The following PRPH2 variants were observed in gnomAD, a reference collection of about 807,000 sequenced individuals.
PRPH2 encodes the protein peripherin-2.
Under a neutral mutation model 31.3 loss-of-function variants are expected in PRPH2, and 17 were observed. That is an observed-to-expected ratio of 0.54 (90% CI 0.37 to 0.81). PRPH2 has a LOEUF of 0.81. Among genes scored for constraint, PRPH2 ranks in the 40% least tolerant of loss-of-function variants. The pLI, the probability that PRPH2 is intolerant of heterozygous loss-of-function variation, is 0.00. For synonymous variants in PRPH2, 165 were observed against 184.4 expected (o/e 0.89, Z 0.85); for missense variants, 430 against 439.7 (o/e 0.98, Z 0.20).
intron 2 of PRPH2, among the ~76,000 whole-genome samples, chr6:42,698,981 G>C (rs1292690452): frequency 6.6e-6 from 1 of 151,286 alleles, no homozygotes; most frequent in African/African-American, 2.4e-5. Context: ...ATATTGGGTA[G>C]TTCAGTAACT....
rs73426405 is a variant in PRPH2 at position 42,697,456 on chromosome 6, C to T, written c.*839G>A. 0.02 allele frequency: 2,994 copies of T among 152,244 alleles called. 99 individuals carry two copies. The highest frequency in any genetic ancestry group is 0.07 in the African/African-American group (2,881 of 41,438). The allele number at this position is 152,244 out of a possible 1,614,324, so 9.4% of individuals were successfully genotyped here. A position where few individuals can be genotyped will look rare whatever the true frequency, so the allele number is the denominator to read the frequency against. On this transcript the variant is annotated 3_prime_UTR_variant, in exon 3 of 3. Coordinates refer to ENST00000230381, the MANE Select transcript of PRPH2 (RefSeq NM_000322.5). Reference sequence around the variant, plus strand: ...GGTGGACTCATGTCTGATTGTTGCTCCTCTTCCACAGCAGGGCAGCAGCCT... The same window carrying T: ...GGTGGACTCATGTCTGATTGTTGCTTCTCTTCCACAGCAGGGCAGCAGCCT...
chr6:42,711,963 G>A, intron 1 of PRPH2: 2 of 985,394 alleles, frequency 2.0e-6, no homozygotes, highest in African/African-American at 3.5e-5. Context: ...GTTGTAAACT[G>A]ACTGAAGACC....
chr6:42,699,962 C>CTTTTT (rs70990126), intron 2 of PRPH2, among the ~76,000 whole-genome samples: 2,827 of 137,830 alleles, frequency 0.021, 149 homozygotes, highest in African/African-American at 0.068. Context: ...ATTGTTTTCA[C>CTTTTT]TTTTTTTTTT....
At chr6:42,706,322 G>A (rs988929887) in intron 1 of PRPH2, among the ~76,000 whole-genome samples, 3 of 151,374 alleles carry the variant, frequency 2.0e-5, no homozygotes, top group African/African-American at 4.9e-5. Flanking sequence ...GGAGAATGGC[G>A]TGAACCCAGG....
At chr6:42,710,952 C>T (rs1800266604) in intron 1 of PRPH2, among the ~76,000 whole-genome samples, 1 of 152,224 alleles carries the variant, frequency 6.6e-6, no homozygotes, top group South Asian at 2.1e-4. Flanking sequence ...ACATTTTAAA[C>T]ACTCGACAGG....
chr6:42,698,187 G>A lies in PRPH2; in HGVS notation c.*108C>T. 6.9e-7 allele frequency: 1 copy of A among 1,455,566 alleles called. No individual in the cohort carries two copies. The highest frequency in any genetic ancestry group is 1.4e-5 in the African/African-American group (1 of 71,306). The allele number at this position is 1,455,566 out of a possible 1,614,324, so 90.2% of individuals were successfully genotyped here. ...CGTCAGGGAGAGTCTCTGTAAGATG[G>A]TGCCCTCCTTGGGAGATTCAGACTT... On this transcript the variant is annotated 3_prime_UTR_variant, in exon 3 of 3. Coordinates refer to ENST00000230381, the MANE Select transcript of PRPH2 (RefSeq NM_000322.5).
intron 1 of PRPH2, among the ~76,000 whole-genome samples, chr6:42,717,282 T>C (rs1769459270): frequency 6.6e-6 from 1 of 151,446 alleles, no homozygotes; most frequent in Non-Finnish European, 1.5e-5. Context: ...TAGGTGGACA[T>C]GGTGGCGGGC....
chr6:42,721,549 T>C (rs1017652031), intron 1 of PRPH2, among the ~76,000 whole-genome samples: 2 of 152,116 alleles, frequency 1.3e-5, no homozygotes, highest in East Asian at 1.9e-4. Context: ...CCCTATGAAG[T>C]TGTCATTTTT....
chr6:42,712,176 G>A lies in PRPH2; in HGVS notation c.582-7565C>T, dbSNP rs976480552. ...AACTATGGGGGATTCTGCAGGACAC[G>A]TGGCCCAGTTTCTCTCACACATATG... On this transcript the variant is annotated intron_variant, in intron 1 of 2. Coordinates refer to ENST00000230381, the MANE Select transcript of PRPH2 (RefSeq NM_000322.5). Among the ~76,000 whole-genome samples the A allele has an allele frequency of 2.6e-5, 4 of 152,168 alleles. No individual in the cohort carries two copies. In the East Asian group the frequency reaches 5.8e-4, roughly 22 times the overall value.
rs1799954423 is a variant in PRPH2 at position 42,696,994 on chromosome 6, G to C, written c.*1301C>G. 2 of 152,148 alleles carry C rather than the reference G, an allele frequency of 1.3e-5. No individual in the cohort carries two copies. Among genetic ancestry groups the C allele is most frequent in the South Asian group, 4.1e-4 (2 of 4,824 alleles). 9.4% of individuals were successfully genotyped at this position (152,148 alleles called of 1,614,324 possible). A position where few individuals can be genotyped will look rare whatever the true frequency, so the allele number is the denominator to read the frequency against. On this transcript the variant is annotated 3_prime_UTR_variant, in exon 3 of 3. Coordinates refer to ENST00000230381, the MANE Select transcript of PRPH2 (RefSeq NM_000322.5). ...TCCCAAACACCATCGGTCAGAAGCA[G>C]AGGTAAGTTATGGACTGTTCCCTTT...
Position 42,720,917 on chromosome 6 carries a change from G to C in PRPH2, c.581+837C>G, listed in dbSNP as rs534616340. ...GGCTGTTCCCTCCGACACAGTGGTC[G>C]AGAGTCTCTCTCTCACCAGCACCTC... On this transcript the variant is annotated intron_variant, in intron 1 of 2. Coordinates refer to ENST00000230381, the MANE Select transcript of PRPH2 (RefSeq NM_000322.5). Among the ~76,000 whole-genome samples, 3 of 152,306 alleles carry C rather than the reference G, an allele frequency of 2.0e-5. No individual in the cohort carries two copies. The East Asian group carries it at 5.8e-4, about 29-fold the overall frequency.
chr6:42,720,979 C>T (rs536573178), intron 1 of PRPH2, among the ~76,000 whole-genome samples: 1 of 152,316 alleles, frequency 6.6e-6, no homozygotes, highest in South Asian at 2.1e-4. Flanking sequence ...TTACATATGC[C>T]AAGAATACTT....
chr6:42,698,896 C>T (rs75745023), intron 2 of PRPH2, among the ~76,000 whole-genome samples: 18,559 of 152,116 alleles, frequency 0.12, 1,293 homozygotes, highest in African/African-American at 0.19. Flanking sequence ...CCTCCCTCCC[C>T]ATCCCCTCGG....
chr6:42,705,622 A>ATATATATATATATATATG (rs1800148739), intron 1 of PRPH2, among the ~76,000 whole-genome samples: 1 of 125,212 alleles, frequency 8.0e-6, no homozygotes, highest in Non-Finnish European at 1.7e-5. Context: ...ATATATATAT[A>ATATATATATATATATATG]TATATATATT....
At chr6:42,720,904 C>T (rs1001951791) in intron 1 of PRPH2, among the ~76,000 whole-genome samples, 7 of 152,192 alleles carry the variant, frequency 4.6e-5, no homozygotes, top group Non-Finnish European at 1.0e-4. Flanking sequence ...CTGTTCCCTC[C>T]GACACAGTGG....
intron 1 of PRPH2, among the ~76,000 whole-genome samples, chr6:42,712,148 C>A (rs1468336122): frequency 6.6e-6 from 1 of 152,176 alleles, no homozygotes; most frequent in East Asian, 1.9e-4. Context: ...TTGCCCAACT[C>A]CAAACTATGG....
intron 1 of PRPH2, among the ~76,000 whole-genome samples, chr6:42,716,419 T>A (rs564054456): frequency 1.3e-5 from 2 of 150,994 alleles, no homozygotes; most frequent in Non-Finnish European, 3.0e-5. Flanking sequence ...AGAAAAGAAT[T>A]TTTTTTCTTT....
At chr6:42,709,759 C>T (rs956049219) in intron 1 of PRPH2, among the ~76,000 whole-genome samples, 3 of 152,162 alleles carry the variant, frequency 2.0e-5, no homozygotes, top group Non-Finnish European at 4.4e-5. Flanking sequence ...CCTTACAGGT[C>T]ACTGGTGGCC....
At chr6:42,700,732 A>T (rs1250710545) in intron 2 of PRPH2, among the ~76,000 whole-genome samples, 1 of 152,064 alleles carries the variant, frequency 6.6e-6, no homozygotes, top group East Asian at 1.9e-4. Flanking sequence ...TTGGCTCATA[A>T]ATTAGACATC....
Sources: allele counts gnomAD v4.1 joint callset (sites outside exome capture counted in the v4.1 genomes callset), GRCh38; gene constraint gnomAD v4.1.1; transcripts MANE v1.5; gene names NCBI Gene and HGNC (gene_info 2026-07-23, HGNC 2026-07-21).